NCAPH2: variants seen among roughly 807,000 people sequenced by gnomAD.
NCAPH2 encodes condensin-2 complex subunit H2.
In NCAPH2, 56 loss-of-function variants were observed where a neutral mutation model predicts 88.6. That is an observed-to-expected ratio of 0.63 (90% CI 0.51 to 0.79). NCAPH2 has a LOEUF of 0.79. NCAPH2 is among the 30% of genes least tolerant of loss of function. NCAPH2 has a pLI of 0.00. For synonymous variants in NCAPH2, 378 were observed against 313.6 expected (o/e 1.21, Z -2.17); for missense variants, 794 against 792.0 (o/e 1.00, Z -0.03).
chr22:50,524,338 G>T lies in NCAPH2; in HGVS notation c.*963G>T. 1 of 1,601,826 alleles carries T rather than the reference G, an allele frequency of 6.2e-7. No homozygotes were observed. Among genetic ancestry groups the T allele is most frequent in the Non-Finnish European group, 8.5e-7 (1 of 1,179,912 alleles). ...CAGATGCAGGGCCTGGCCTCCCAGG[G>T]TCCCAGGGAGGACCCGAGGCTTGAG... On this transcript the variant is annotated 3_prime_UTR_variant, in exon 20 of 20. Transcript: ENST00000420993.
chr22:50,519,852 C>A, intron 9 of NCAPH2: 1 of 753,462 alleles, frequency 1.3e-6, no homozygotes, highest in Non-Finnish European at 1.6e-6. Flanking sequence ...AAGAAGAGTA[C>A]CCCGTGACCA....
At position 50,508,421 on chromosome 22, in the gene NCAPH2, C is replaced by T. The variant is rs748807378; in HGVS notation, c.84C>T (p.Ala28=). 227 of 1,463,980 alleles carry T rather than the reference C, an allele frequency of 1.6e-4. No homozygotes were observed. The highest frequency in any genetic ancestry group is 1.9e-4 in the Non-Finnish European group (216 of 1,108,258). 90.7% of individuals were successfully genotyped at this position (1,463,980 alleles called of 1,614,324 possible). A position where few individuals can be genotyped will look rare whatever the true frequency, so the allele number is the denominator to read the frequency against. Residue 28 remains alanine, a synonymous_variant, in exon 1 of 20, where the codon GCC becomes GCT. Transcript: ENST00000420993. The stretch of plus-strand genomic sequence containing the variant: ...AGAACTGGGAGGTGGACGTGGCGGC[C>T]CAGCTGGGCGAGTATCTGGAGGAGG... ...LTKNWEVDVA[A]QLGEYLEELD... is the part of the protein sequence containing the mutation.
At position 50,524,189 on chromosome 22, in the gene NCAPH2, A is replaced by C; in HGVS notation, c.*814A>C. The C allele has an allele frequency of 1.2e-6, 2 of 1,608,770 alleles. No homozygotes were observed. Among genetic ancestry groups the C allele is most frequent in the Non-Finnish European group, 1.7e-6 (2 of 1,179,904 alleles). The stretch of plus-strand genomic sequence containing the variant: ...TCCTTCTCAGCCCTCAGGGCCAGCC[A>C]GGCCCCACCGAGTCCAGCCCCGAAC... On this transcript the variant is annotated 3_prime_UTR_variant, in exon 20 of 20. Transcript: ENST00000420993.
Position 50,524,252 on chromosome 22 carries a change from C to T in NCAPH2, c.*877C>T. 6.2e-7 allele frequency: 1 copy of T among 1,605,620 alleles called. No homozygotes were observed. Among genetic ancestry groups the T allele is most frequent in the Admixed American group, 1.7e-5 (1 of 60,012 alleles). ...AGCAGCCGGGTTCGAAGCCCAGGGC[C>T]CTGGGGCTGGCCCTGCCCACCTGTC... On this transcript the variant is annotated 3_prime_UTR_variant, in exon 20 of 20. Coordinates refer to ENST00000420993, the MANE Select transcript of NCAPH2 (RefSeq NM_152299.4).
rs574907335 is a variant in NCAPH2 at position 50,522,166 on chromosome 22, G to A, written c.1163-15G>A. ...GGGAAGGACGAGGGAGCCCTCACAA[G>A]GCCTTTGTCTGCAGACATGGAGGTC... On this transcript the variant is annotated splice_polypyrimidine_tract_variant and intron_variant, in intron 13 of 19. Transcript: ENST00000420993. 6.2e-7 allele frequency: 1 copy of A among 1,612,498 alleles called. No individual in the cohort carries two copies. The highest frequency in any genetic ancestry group is 8.5e-7 in the Non-Finnish European group (1 of 1,179,088).
At position 50,516,497 on chromosome 22, in the gene NCAPH2, C is replaced by T. The variant is rs763120856; in HGVS notation, c.159C>T (p.Phe53=). ...ACGAAGGCAAGACCACAATGAACTT[C>T]ATTGAGGCAGCGTTGTTGATCCAGG... The part of the protein sequence containing the change: ...SFDEGKTTMN[F]IEAALLIQGS... Residue 53 remains phenylalanine (F), a synonymous_variant, in exon 2 of 20, where the codon TTC becomes TTT. Coordinates refer to ENST00000420993, the MANE Select transcript of NCAPH2 (RefSeq NM_152299.4). The T allele has an allele frequency of 3.7e-6, 6 of 1,614,100 alleles. No individual in the cohort carries two copies. The East Asian group carries it at 1.3e-4, about 36-fold the overall frequency.
chr22:50,517,559 G>T lies in NCAPH2; in HGVS notation c.267-18G>T, dbSNP rs1277461126. On this transcript the variant is annotated intron_variant, in intron 3 of 19. Transcript: ENST00000420993. Reference sequence around the variant, plus strand: ...CCTGCAGCTCCTGGGATGCCCACGGGATGTGCTTCTCTCTCAGGCGGGCCA... The same window carrying T: ...CCTGCAGCTCCTGGGATGCCCACGGTATGTGCTTCTCTCTCAGGCGGGCCA... The T allele has an allele frequency of 6.2e-7, 1 of 1,614,066 alleles. No individual in the cohort carries two copies. The highest frequency in any genetic ancestry group is 2.2e-5 in the East Asian group (1 of 44,880).
At chr22:50,519,822 A>G (rs868308781) in intron 9 of NCAPH2, 4 of 911,160 alleles carry the variant, frequency 4.4e-6, no homozygotes, top group African/African-American at 1.8e-5. Flanking sequence ...GTCATATTCT[A>G]TTCATTTTTC....
Position 50,524,465 on chromosome 22 carries a change from C to G in NCAPH2, c.*1090C>G. On this transcript the variant is annotated 3_prime_UTR_variant, in exon 20 of 20. Transcript: ENST00000420993. The stretch of plus-strand genomic sequence containing the variant: ...GGCGTCAGGAGCCAGAAGGGAAGGC[C>G]CAGGACAGTGCCTGGGCTGCCCCTG... The G allele has an allele frequency of 6.3e-7, 1 of 1,580,096 alleles. No individual in the cohort carries two copies. Among genetic ancestry groups the G allele is most frequent in the Non-Finnish European group, 8.7e-7 (1 of 1,155,594 alleles).
chr22:50,522,917 GAGC>G lies in NCAPH2; in HGVS notation c.1525_1527del (p.Gln509del). The G allele has an allele frequency of 6.2e-7, 1 of 1,613,144 alleles. No individual in the cohort carries two copies. Among genetic ancestry groups the G allele is most frequent in the Non-Finnish European group, 8.5e-7 (1 of 1,179,976 alleles). ...GGACACAGTGCAGCCTCTGCTCCAGGAGCAGGTGAGGCGGGGCCGCTGGGAACC... is the reference window on the plus strand; with the variant it reads ...GGACACAGTGCAGCCTCTGCTCCAGGAGGTGAGGCGGGGCCGCTGGGAACC... On this transcript the variant is annotated inframe_deletion and splice_region_variant, in exon 18 of 20. Coordinates refer to ENST00000420993, the MANE Select transcript of NCAPH2 (RefSeq NM_152299.4).
chr22:50,515,643 G>T, intron 1 of NCAPH2: 1 of 1,115,290 alleles, frequency 9.0e-7, no homozygotes, highest in Non-Finnish European at 1.2e-6. Context: ...TGATCTGCCC[G>T]CCTCGGCCTC....
In NCAPH2 at chr22:50,519,272, G is replaced by A. The variant is rs199991904; in HGVS notation, c.813G>A (p.Ser271=). The A allele has an allele frequency of 4.9e-5, 79 of 1,606,260 alleles. No homozygotes were observed. The highest frequency in any genetic ancestry group is 4.8e-4 in the Admixed American group (28 of 58,856). Residue 271 remains serine (S), a synonymous_variant, in exon 9 of 20, where the codon TCG becomes TCA. Transcript: ENST00000420993. ...AEEAVELPEA[S]APKAALEPKE... is the part of the protein sequence containing the mutation. ...AGGCAGTAGAGCTTCCTGAGGCCTC[G>A]GCCCCCAAGGCCGCTCTGGAGCCCA... is the stretch of plus-strand genomic sequence containing the variant.
intron 7 of NCAPH2, 39 bp from the exon 8 acceptor site, chr22:50,518,610 G>A: frequency 6.4e-7 from 1 of 1,559,566 alleles, no homozygotes; most frequent in Non-Finnish European, 8.7e-7. Flanking sequence ...ATCTTGGAGA[G>A]GGGCTGGGCT....
intron 4 of NCAPH2, 23 bp from the exon 5 acceptor site, chr22:50,517,718 C>T: frequency 6.2e-7 from 1 of 1,614,090 alleles, no homozygotes; most frequent in South Asian, 1.1e-5. Context: ...GGCTCCGCCC[C>T]CACGAGCTCT....
In NCAPH2 at chr22:50,521,848, T is replaced by C. The variant is rs1411879135; in HGVS notation, c.1108T>C (p.Tyr370His). 1.7e-5 allele frequency: 27 copies of C among 1,613,744 alleles called. No individual in the cohort carries two copies. Among genetic ancestry groups the C allele is most frequent in the Non-Finnish European group, 2.3e-5 (27 of 1,180,002 alleles). The change falls in exon 12 of 20, where the codon TAT becomes CAT. Residue 370 changes from tyrosine to histidine, a missense_variant and splice_region_variant. This residue lies in a region of NCAPH2 where 735 missense variants were observed against 696.3 expected (regional missense o/e 1.06). Transcript: ENST00000420993. Reference protein sequence around the residue: ...QDFHQWYLAAYADHADSRRLR... With the variant: ...QDFHQWYLAAHADHADSRRLR... ...CTTCCACCAGTGGTACCTGGCTGCC[T>C]GTGAGTGGGTGTGGTGTGCACTCCG...
chr22:50,515,907 TG>T (rs933623172), intron 1 of NCAPH2: 4 of 753,706 alleles, frequency 5.3e-6, no homozygotes, highest in Non-Finnish European at 7.5e-6. Context: ...GTTGGCAGCT[TG>T]GGCATGGGAT....
At chr22:50,513,779 C>G (rs1428398664) in intron 1 of NCAPH2, among the ~76,000 whole-genome samples, 1 of 151,888 alleles carries the variant, frequency 6.6e-6, no homozygotes, top group Non-Finnish European at 1.5e-5. Context: ...AAAACCAAAA[C>G]CAACCAACCA....
intron 1 of NCAPH2, among the ~76,000 whole-genome samples, chr22:50,509,328 A>G (rs2068721470): frequency 6.6e-6 from 1 of 152,018 alleles, no homozygotes; most frequent in South Asian, 2.1e-4. Context: ...CTCTCTTGAC[A>G]TCTAGTGGGT....
chr22:50,519,515 T>A (rs993973298), intron 9 of NCAPH2, 195 bp downstream of exon 9: 56 of 1,423,534 alleles, frequency 3.9e-5, no homozygotes, highest in Non-Finnish European at 5.1e-5. Context: ...GTTCCTCCCC[T>A]CTCTGAGCAG....
Sources: allele counts gnomAD v4.1 joint callset (sites outside exome capture counted in the v4.1 genomes callset), GRCh38; gene constraint gnomAD v4.1.1; regional missense constraint gnomAD v4.1.1; transcripts MANE v1.5; gene names NCBI Gene and HGNC (gene_info 2026-07-23, HGNC 2026-07-21).